Variants in FREM2 observed in about 807,000 individuals in gnomAD.
FREM2 encodes the protein FRAS1 related extracellular matrix 2.
A neutral mutation model predicts 219.9 loss-of-function variants in FREM2; 119 were observed. That is an observed-to-expected ratio of 0.54 (90% CI 0.47 to 0.63). The LOEUF is 0.63. FREM2 is among the 30% of genes least tolerant of loss of function. FREM2 has a pLI of 0.00. For missense variants in FREM2, 4,030 were observed against 3,993.6 expected (o/e 1.01, Z -0.25); for synonymous variants, 1,562 against 1,522.8 (o/e 1.03, Z -0.60).
intron 6 of FREM2, among the ~76,000 whole-genome samples, chr13:38,805,891 A>C (rs977934008): frequency 4.6e-4 from 70 of 151,906 alleles, no homozygotes; most frequent in African/African-American, 1.7e-3. Flanking sequence ...GCTGTTATTA[A>C]ATCTTGACTA....
intron 2 of FREM2, among the ~76,000 whole-genome samples, chr13:38,744,775 A>G (rs902232231): frequency 1.3e-5 from 2 of 152,254 alleles, no homozygotes; most frequent in African/African-American, 4.8e-5. Context: ...TACAGGCGTA[A>G]GCCACTACGC....
At chr13:38,774,822 A>G (rs1335444218) in intron 4 of FREM2, among the ~76,000 whole-genome samples, 1 of 152,184 alleles carries the variant, frequency 6.6e-6, no homozygotes, top group Admixed American at 6.5e-5. Flanking sequence ...GAATACAGAT[A>G]CTTAGTACAG....
chr13:38,816,762 A>G (rs1875785746), intron 6 of FREM2, among the ~76,000 whole-genome samples: 1 of 152,136 alleles, frequency 6.6e-6, no homozygotes, highest in Non-Finnish European at 1.5e-5. Flanking sequence ...AAGGCATTCA[A>G]ATTTGAAAGG....
intron 6 of FREM2, among the ~76,000 whole-genome samples, chr13:38,826,958 C>G (rs1328219289): frequency 6.6e-6 from 1 of 152,058 alleles, no homozygotes; most frequent in Non-Finnish European, 1.5e-5. Flanking sequence ...ATCTGTATAA[C>G]ATATTCTAAT....
At chr13:38,847,949 G>A (rs1425997746) in intron 7 of FREM2, among the ~76,000 whole-genome samples, 1 of 152,186 alleles carries the variant, frequency 6.6e-6, no homozygotes, top group Non-Finnish European at 1.5e-5. Context: ...AAAGGTGGAT[G>A]GAGTGTGGGC....
At chr13:38,805,239 A>G (rs1209476504) in intron 6 of FREM2, among the ~76,000 whole-genome samples, 3 of 150,992 alleles carry the variant, frequency 2.0e-5, no homozygotes, top group Non-Finnish European at 4.4e-5. Context: ...GTGAAAAGAA[A>G]TGTAGGGTAA....
chr13:38,853,327 A>C (rs970723353), intron 11 of FREM2, among the ~76,000 whole-genome samples: 24 of 152,064 alleles, frequency 1.6e-4, no homozygotes, highest in African/African-American at 4.8e-4. Context: ...GAAAAAAAAA[A>C]AAAAAAAAAC....
At chr13:38,860,362 C>A (rs1166948650) in intron 14 of FREM2, among the ~76,000 whole-genome samples, 3 of 152,146 alleles carry the variant, frequency 2.0e-5, no homozygotes, top group African/African-American at 7.2e-5. Flanking sequence ...AGGAAATCCA[C>A]TGTATAAATA....
intron 6 of FREM2, among the ~76,000 whole-genome samples, chr13:38,799,535 G>A (rs1874928940): frequency 6.6e-6 from 1 of 152,030 alleles, no homozygotes; most frequent in Non-Finnish European, 1.5e-5. Context: ...CTGTCTCAAT[G>A]ATCTGTCTAG....
intron 2 of FREM2, among the ~76,000 whole-genome samples, chr13:38,741,346 T>C (rs938357193): frequency 5.3e-5 from 8 of 152,162 alleles, no homozygotes; most frequent in Admixed American, 2.6e-4. Flanking sequence ...TCTCTTAACA[T>C]ATTTTCAAAT....
intron 6 of FREM2, among the ~76,000 whole-genome samples, chr13:38,788,533 C>T (rs568942328): frequency 2.1e-4 from 32 of 152,184 alleles, no homozygotes; most frequent in South Asian, 8.3e-4. Flanking sequence ...GAAATGGCTG[C>T]GATATCAAAT....
At chr13:38,758,263 C>CT (rs970440795) in intron 2 of FREM2, among the ~76,000 whole-genome samples, 12 of 152,260 alleles carry the variant, frequency 7.9e-5, no homozygotes, top group African/African-American at 2.9e-4. Flanking sequence ...TTTGAAGTTC[C>CT]TTTTTATTTT....
At position 38,881,750 on chromosome 13, in the gene FREM2, T is replaced by C. The variant is rs1035166794; in HGVS notation, c.*963T>C. On this transcript the variant is annotated 3_prime_UTR_variant, in exon 24 of 24. Coordinates refer to ENST00000280481, the MANE Select transcript of FREM2 (RefSeq NM_207361.6). Reference sequence around the variant, plus strand: ...GAAGGGAGAAAGTGGTATTTATTAATATAATGTGTATAATCAGAGTGCCTC... The same window carrying C: ...GAAGGGAGAAAGTGGTATTTATTAACATAATGTGTATAATCAGAGTGCCTC... 5.2e-5 allele frequency: 8 copies of C among 152,598 alleles called. No homozygotes were observed. The highest frequency in any genetic ancestry group is 8.8e-5 in the Non-Finnish European group (6 of 68,038). The allele number at this position is 152,598 out of a possible 1,614,324, so 9.5% of individuals were successfully genotyped here.
intron 6 of FREM2, among the ~76,000 whole-genome samples, chr13:38,837,877 G>A (rs957577996): frequency 6.6e-6 from 1 of 151,822 alleles, no homozygotes; most frequent in Non-Finnish European, 1.5e-5. Flanking sequence ...TGGGTCTTCT[G>A]AATACAGCAC....
Position 38,687,829 on chromosome 13 carries a change from G to A in FREM2, c.485G>A (p.Gly162Glu), listed in dbSNP as rs977767139. 1.9e-5 allele frequency: 29 copies of A among 1,550,650 alleles called. No homozygotes were observed. The highest frequency in any genetic ancestry group is 2.4e-5 in the Non-Finnish European group (28 of 1,143,756). ...RLQLRYDAPG[G>E]AVVLPLVLEV... Reference sequence around the variant, plus strand: ...CAGCTGCGCTATGACGCGCCCGGAGGGGCAGTAGTGCTACCACTGGTACTG... The same window carrying A: ...CAGCTGCGCTATGACGCGCCCGGAGAGGCAGTAGTGCTACCACTGGTACTG... Residue 162 changes from glycine (G) to glutamate (E), a missense_variant, in exon 1 of 24, where the codon GGG (glycine) becomes GAG (glutamate). Gly to Glu is a moderately conservative substitution (Grantham distance 98). Coordinates refer to ENST00000280481, the MANE Select transcript of FREM2 (RefSeq NM_207361.6).
intron 6 of FREM2, among the ~76,000 whole-genome samples, chr13:38,811,642 T>G (rs1265590301): frequency 6.6e-6 from 1 of 152,176 alleles, no homozygotes; most frequent in African/African-American, 2.4e-5. Context: ...TGTAGTTTTA[T>G]TCTATAGTGG....
At chr13:38,864,682 G>T in intron 16 of FREM2, 76 bp downstream of exon 16, 1 of 1,290,226 alleles carries the variant, frequency 7.8e-7, no homozygotes, top group Admixed American at 1.8e-5. Flanking sequence ...TTTGTACTAA[G>T]TCCCAACTCC....
intron 6 of FREM2, among the ~76,000 whole-genome samples, chr13:38,825,854 G>C (rs988219318): frequency 1.3e-5 from 2 of 151,976 alleles, no homozygotes; most frequent in Admixed American, 1.3e-4. Flanking sequence ...AAGTGGCCTT[G>C]CTTTATTTTT....
chr13:38,765,260 A>G (rs892722750), intron 3 of FREM2, among the ~76,000 whole-genome samples: 4 of 152,214 alleles, frequency 2.6e-5, no homozygotes, highest in African/African-American at 9.6e-5. Flanking sequence ...TTGGCAGTAT[A>G]TTGGTACTTT....
Sources: allele counts gnomAD v4.1 joint callset (sites outside exome capture counted in the v4.1 genomes callset), GRCh38; gene constraint gnomAD v4.1.1; transcripts MANE v1.5; gene names NCBI Gene and HGNC (gene_info 2026-07-23, HGNC 2026-07-21).